Variants in AOPEP observed in about 807,000 individuals in gnomAD.
AOPEP encodes aminopeptidase O.
AOPEP carries 77 observed loss-of-function variants against 98.1 expected under a neutral mutation model. The observed-to-expected ratio is 0.78, with a 90% CI of 0.65 to 0.95. The LOEUF (loss-of-function observed/expected upper bound fraction) is 0.95, where lower values mean the gene tolerates loss of function less well. AOPEP is among the 40% of genes least tolerant of loss of function. The pLI, the probability that AOPEP is intolerant of heterozygous loss-of-function variation, is 0.00. For missense variants in AOPEP, 1,024 were observed against 1,024.7 expected (o/e 1.00, Z 0.01); for synonymous variants, 346 against 365.3 (o/e 0.95, Z 0.60).
intron 16 of AOPEP, 125 bp downstream of exon 16, chr9:95,082,844 C>A: frequency 1.7e-6 from 2 of 1,143,694 alleles, no homozygotes; most frequent in Non-Finnish European, 1.2e-6. Flanking sequence ...GGCTCCCTGG[C>A]CCAGGGCCTG....
the AOPEP span, chr9:95,126,862 G>GT: frequency 2.4e-6 from 1 of 419,722 alleles, no homozygotes. Flanking sequence ...TACAGAATCA[G>GT]TAAGTATTAG....
chr9:95,052,395 T>A (rs2066458849), intron 13 of AOPEP, among the ~76,000 whole-genome samples: 1 of 152,208 alleles, frequency 6.6e-6, no homozygotes, highest in African/African-American at 2.4e-5. Context: ...GAGGATCCTA[T>A]TTTCTGTACA....
intron 5 of AOPEP, among the ~76,000 whole-genome samples, chr9:94,890,237 C>CT: frequency 6.6e-6 from 1 of 151,790 alleles, no homozygotes; most frequent in South Asian, 2.1e-4. Context: ...GAGCCTTGCT[C>CT]TGTCACCCAG....
intron 5 of AOPEP, among the ~76,000 whole-genome samples, chr9:94,849,720 T>C (rs1440486398): frequency 4.6e-5 from 7 of 152,050 alleles, no homozygotes; most frequent in Admixed American, 4.6e-4. Flanking sequence ...CAGTTCACAA[T>C]TGGGTTTGTG....
chr9:94,846,425 G>A (rs1367799443), intron 5 of AOPEP, among the ~76,000 whole-genome samples: 1 of 152,192 alleles, frequency 6.6e-6, no homozygotes, highest in Non-Finnish European at 1.5e-5. Flanking sequence ...TTTAACTGGA[G>A]TGAGTTGAGA....
intron 5 of AOPEP, among the ~76,000 whole-genome samples, chr9:94,802,132 A>G (rs1039353834): frequency 6.6e-6 from 1 of 152,104 alleles, no homozygotes. Flanking sequence ...TGCATCATAT[A>G]ATTGTCTTGG....
intron 5 of AOPEP, among the ~76,000 whole-genome samples, chr9:94,868,737 A>G (rs1014305844): frequency 9.2e-5 from 14 of 152,264 alleles, no homozygotes; most frequent in African/African-American, 2.9e-4. Flanking sequence ...GAAGCTCCCT[A>G]TGTTACCTTC....
the AOPEP span, among the ~76,000 whole-genome samples, chr9:95,131,328 G>T: frequency 6.6e-6 from 1 of 152,228 alleles, no homozygotes; most frequent in Non-Finnish European, 1.5e-5. Flanking sequence ...CAAGCTGGAA[G>T]AAAGCTCCTC....
chr9:94,762,487 G>A (rs544145232), intron 2 of AOPEP, among the ~76,000 whole-genome samples: 11 of 152,066 alleles, frequency 7.2e-5, no homozygotes, highest in African/African-American at 2.2e-4. Flanking sequence ...AGGTCCTTGG[G>A]CACATTTTGC....
intron 5 of AOPEP, among the ~76,000 whole-genome samples, chr9:94,875,529 T>C (rs1251739064): frequency 6.6e-6 from 1 of 152,164 alleles, no homozygotes; most frequent in Non-Finnish European, 1.5e-5. Flanking sequence ...ACCTCGACCT[T>C]TGCCTTATTT....
intron 13 of AOPEP, among the ~76,000 whole-genome samples, chr9:95,051,234 T>C (rs4744429): frequency 0.97 from 147,149 of 151,706 alleles, 71,401 homozygotes; most frequent in African/African-American, 0.99. Context: ...GGACTACAGG[T>C]GCGCGCCACC....
At chr9:94,979,127 A>G (rs2060022131) in intron 10 of AOPEP, among the ~76,000 whole-genome samples, 1 of 152,174 alleles carries the variant, frequency 6.6e-6, no homozygotes, top group African/African-American at 2.4e-5. Context: ...GAAAGCACCC[A>G]TGATGCTGTG....
intron 5 of AOPEP, among the ~76,000 whole-genome samples, chr9:94,913,641 A>G (rs2052396723): frequency 2.0e-5 from 3 of 152,216 alleles, no homozygotes; most frequent in South Asian, 2.1e-4. Context: ...TTAAGCTACC[A>G]CTAAGACGGT....
At chr9:95,005,436 G>A in intron 12 of AOPEP, 106 bp from the exon 13 acceptor site, 7 of 1,182,524 alleles carry the variant, frequency 5.9e-6, no homozygotes, top group Non-Finnish European at 8.8e-6. Context: ...CCCGAGGTGC[G>A]GGGAAGACCA....
At position 95,080,789 on chromosome 9, in the gene AOPEP, C is replaced by G. The variant is rs753514604; in HGVS notation, c.2319+9C>G. On this transcript the variant is annotated intron_variant, in intron 15 of 16. Coordinates refer to ENST00000375315, the MANE Select transcript of AOPEP (RefSeq NM_001193329.3). ...TCCTTCAGGAGGATCAGGTAGGTGT[C>G]ATCTTTCAGCAGATGGGGATTCTGT... is the stretch of plus-strand genomic sequence containing the variant. 1.3e-6 allele frequency: 2 copies of G among 1,596,322 alleles called. No homozygotes were observed. The highest frequency in any genetic ancestry group is 1.7e-6 in the Non-Finnish European group (2 of 1,163,710).
chr9:94,876,867 A>G (rs1019452340), intron 5 of AOPEP, among the ~76,000 whole-genome samples: 3 of 152,160 alleles, frequency 2.0e-5, no homozygotes, highest in Non-Finnish European at 4.4e-5. Flanking sequence ...GGTTGAATGC[A>G]TATATTGTTA....
At chr9:95,070,044 T>C (rs2068318687) in intron 14 of AOPEP, among the ~76,000 whole-genome samples, 1 of 152,188 alleles carries the variant, frequency 6.6e-6, no homozygotes, top group Admixed American at 6.5e-5. Flanking sequence ...AAGAAAAGAA[T>C]GAAAACACAA....
At chr9:94,879,705 A>G (rs1031715650) in intron 5 of AOPEP, among the ~76,000 whole-genome samples, 26 of 152,378 alleles carry the variant, frequency 1.7e-4, no homozygotes, top group African/African-American at 5.8e-4. Flanking sequence ...AATAAAGTCC[A>G]TTTGTAAATG....
intron 1 of AOPEP, among the ~76,000 whole-genome samples, chr9:94,739,397 C>G (rs2131885451): frequency 6.6e-6 from 1 of 152,294 alleles, no homozygotes; most frequent in East Asian, 1.9e-4. Context: ...GTAATCCCAG[C>G]ACTTTGGGAG....
Sources: allele counts gnomAD v4.1 joint callset (sites outside exome capture counted in the v4.1 genomes callset), GRCh38; gene constraint gnomAD v4.1.1; transcripts MANE v1.5; gene names NCBI Gene and HGNC (gene_info 2026-07-23, HGNC 2026-07-21).